Variants in ZMYND8 observed in about 807,000 individuals in gnomAD.
ZMYND8 encodes zinc finger MYND-type containing 8.
In ZMYND8, 37 loss-of-function variants were observed where a neutral mutation model predicts 140.8. The observed-to-expected ratio is 0.26, with a 90% CI of 0.20 to 0.35. The LOEUF is 0.35. Among genes scored for constraint, ZMYND8 ranks in the 10% least tolerant of loss-of-function variants. ZMYND8 has a pLI of 1.00. For missense variants in ZMYND8, 1,068 were observed against 1,570.0 expected, an observed-to-expected ratio of 0.68 and a Z score of 5.40; for synonymous variants, 592 against 597.1, an observed-to-expected ratio of 0.99 and a Z score of 0.12.
At chr20:47,226,606 G>A (rs1010464944) in intron 18 of ZMYND8, among the ~76,000 whole-genome samples, 13 of 151,868 alleles carry the variant, frequency 8.6e-5, no homozygotes, top group Admixed American at 3.3e-4. Flanking sequence ...TCCTCAACAC[G>A]TCGGTTTCTT....
At chr20:47,340,238 A>G (rs555618226) in intron 2 of ZMYND8, among the ~76,000 whole-genome samples, 1 of 152,184 alleles carries the variant, frequency 6.6e-6, no homozygotes, top group African/African-American at 2.4e-5. Flanking sequence ...TAAGCCACCC[A>G]GCCAGAAGCC....
chr20:47,284,956 T>A (rs926795843), intron 8 of ZMYND8, among the ~76,000 whole-genome samples: 1 of 152,192 alleles, frequency 6.6e-6, no homozygotes, highest in African/African-American at 2.4e-5. Flanking sequence ...TTAAATGAGA[T>A]AAATGTAAAG....
intron 2 of ZMYND8, among the ~76,000 whole-genome samples, chr20:47,321,672 C>G (rs1454528473): frequency 6.6e-6 from 1 of 152,100 alleles, no homozygotes; most frequent in Non-Finnish European, 1.5e-5. Context: ...ACCAGTCAGT[C>G]AACAAATAGT....
At position 47,251,345 on chromosome 20, in the gene ZMYND8, G is replaced by A. The variant is rs575141618; in HGVS notation, c.1622-1906C>T. 1.7e-4 allele frequency among the ~76,000 whole-genome samples: 26 copies of A among 152,094 alleles called. No individual in the cohort carries two copies. In the East Asian group the frequency reaches 4.1e-3, roughly 24 times the overall value. Reference sequence around the variant, plus strand: ...GATTCACACCTCTCCCAGCACTTTCGGAGGCAGAGGCAGGAGGATTGCTTG... The same window carrying A: ...GATTCACACCTCTCCCAGCACTTTCAGAGGCAGAGGCAGGAGGATTGCTTG... On this transcript the variant is annotated intron_variant, in intron 12 of 22. Coordinates refer to ENST00000471951, the MANE Select transcript of ZMYND8 (RefSeq NM_001281775.3).
chr20:47,264,700 T>TGGTACTGTAAGA (rs1447310601), intron 11 of ZMYND8, among the ~76,000 whole-genome samples: 2 of 152,184 alleles, frequency 1.3e-5, no homozygotes, highest in African/African-American at 2.4e-5. Context: ...GTCCTATCAC[T>TGGTACTGTAAGA]GGTACTGTAA....
intron 7 of ZMYND8, 120 bp downstream of exon 7, chr20:47,290,067 G>T: frequency 1.1e-6 from 1 of 939,472 alleles, no homozygotes; most frequent in Non-Finnish European, 1.5e-6. Flanking sequence ...ACATATATTA[G>T]CACAATCTAT....
At chr20:47,349,907 A>C in intron 1 of ZMYND8, 4 of 1,535,602 alleles carry the variant, frequency 2.6e-6, no homozygotes, top group Non-Finnish European at 3.5e-6. Flanking sequence ...TGTATTGATC[A>C]TGGAGGAAGG....
At chr20:47,220,795 A>G (rs1049563773) in intron 20 of ZMYND8, among the ~76,000 whole-genome samples, 76 of 152,350 alleles carry the variant, frequency 5.0e-4, no homozygotes, top group African/African-American at 1.3e-3. Flanking sequence ...CTAAAAATGT[A>G]AAAAACTATA....
At chr20:47,295,340 C>A (rs923591327) in intron 4 of ZMYND8, among the ~76,000 whole-genome samples, 1 of 152,200 alleles carries the variant, frequency 6.6e-6, no homozygotes, top group Non-Finnish European at 1.5e-5. Context: ...CTGCAGTGAA[C>A]CATGATTGTG....
intron 18 of ZMYND8, 80 bp downstream of exon 18, chr20:47,227,123 C>T (rs1006252300): frequency 9.1e-6 from 13 of 1,421,586 alleles, no homozygotes; most frequent in African/African-American, 2.8e-5. Context: ...ATTGCACTCA[C>T]ATCTCGGCTT....
intron 11 of ZMYND8, among the ~76,000 whole-genome samples, chr20:47,273,453 G>C (rs1030258313): frequency 6.6e-6 from 1 of 152,134 alleles, no homozygotes; most frequent in Non-Finnish European, 1.5e-5. Context: ...GGCTGAGGTG[G>C]GAGGATTACT....
intron 11 of ZMYND8, among the ~76,000 whole-genome samples, chr20:47,267,087 G>A (rs1454959856): frequency 6.6e-6 from 1 of 152,186 alleles, no homozygotes; most frequent in Non-Finnish European, 1.5e-5. Context: ...TCTGATACGT[G>A]CTGCAGTGTG....
chr20:47,229,803 T>A lies in ZMYND8; in HGVS notation c.2860A>T (p.Met954Leu), dbSNP rs746516627. 6.2e-7 allele frequency: 1 copy of A among 1,611,740 alleles called. No individual in the cohort carries two copies. The highest frequency in any genetic ancestry group is 1.7e-5 in the Admixed American group (1 of 59,444). Reference protein sequence around the residue: ...ADIAKYTSKMMDAIKGTMTEI... With the variant: ...ADIAKYTSKMLDAIKGTMTEI... Reference sequence around the variant, plus strand: ...GTCATTGTTCCTTTTATTGCATCCATCATCTGAAAGATAAAAACAGAAACA... The same window carrying A: ...GTCATTGTTCCTTTTATTGCATCCAACATCTGAAAGATAAAAACAGAAACA... The change falls in exon 17 of 23, where the codon ATG (methionine) becomes TTG (leucine). Residue 954 changes from methionine (M) to leucine (L), a missense_variant. By Grantham distance (15) the Met-to-Leu change is conservative. Around this residue, in one of 10 missense-constraint regions of ZMYND8, gnomAD observed 87 missense variants for 151.1 expected, o/e 0.58. Transcript: ENST00000471951.
intron 2 of ZMYND8, among the ~76,000 whole-genome samples, chr20:47,329,213 A>G (rs576536544): frequency 4.7e-4 from 72 of 152,318 alleles, no homozygotes; most frequent in African/African-American, 1.7e-3. Flanking sequence ...TCAGCACAGC[A>G]TGCACAACAA....
chr20:47,239,147 T>C lies in ZMYND8; in HGVS notation c.2285-9A>G. 1.3e-6 allele frequency: 2 copies of C among 1,485,020 alleles called. No homozygotes were observed. Among genetic ancestry groups the C allele is most frequent in the Middle Eastern group, 1.8e-4 (1 of 5,446 alleles). 92.0% of individuals were successfully genotyped at this position (1,485,020 alleles called of 1,614,324 possible). A position where few individuals can be genotyped will look rare whatever the true frequency, so the allele number is the denominator to read the frequency against. Reference sequence around the variant, plus strand: ...TGGAGTTTTACCTACAACTAGCCAATGCATGAAGAAAAAACAAACAAAAAC... The same window carrying C: ...TGGAGTTTTACCTACAACTAGCCAACGCATGAAGAAAAAACAAACAAAAAC... On this transcript the variant is annotated splice_polypyrimidine_tract_variant and intron_variant, in intron 14 of 22. Coordinates refer to ENST00000471951, the MANE Select transcript of ZMYND8 (RefSeq NM_001281775.3).
intron 2 of ZMYND8, among the ~76,000 whole-genome samples, chr20:47,331,116 A>T (rs1227762306): frequency 6.6e-6 from 1 of 152,214 alleles, no homozygotes; most frequent in Non-Finnish European, 1.5e-5. Context: ...ACACAGAGAG[A>T]ACAGAGACTA....
At chr20:47,318,807 G>A (rs377356274) in intron 2 of ZMYND8, 18 of 556,830 alleles carry the variant, frequency 3.2e-5, no homozygotes, top group African/African-American at 1.2e-4. Flanking sequence ...ATCCAGAGCC[G>A]GGATAGGGAG....
intron 17 of ZMYND8, among the ~76,000 whole-genome samples, chr20:47,227,724 G>GT (rs1417083383): frequency 6.6e-6 from 1 of 152,220 alleles, no homozygotes; most frequent in East Asian, 1.9e-4. Context: ...CAGAGGAAGT[G>GT]TAACTTTGGA....
chr20:47,324,485 C>T (rs1428632312), intron 2 of ZMYND8, among the ~76,000 whole-genome samples: 1 of 152,186 alleles, frequency 6.6e-6, no homozygotes, highest in South Asian at 2.1e-4. Flanking sequence ...AGCCACTGCA[C>T]TCCAGCCTGG....
Sources: allele counts gnomAD v4.1 joint callset (sites outside exome capture counted in the v4.1 genomes callset), GRCh38; gene constraint gnomAD v4.1.1; regional missense constraint gnomAD v4.1.1; transcripts MANE v1.5; gene names NCBI Gene and HGNC (gene_info 2026-07-23, HGNC 2026-07-21).